MYO3B: variants seen among roughly 807,000 people sequenced by gnomAD.
MYO3B encodes myosin-IIIb.
In MYO3B, 156 loss-of-function variants were observed where a neutral mutation model predicts 174.6. That is an observed-to-expected ratio of 0.89 (90% CI 0.78 to 1.02). The LOEUF is 1.02. Among genes scored for constraint, MYO3B ranks in the 50% least tolerant of loss-of-function variants. MYO3B has a pLI of 0.00. For missense variants in MYO3B, 1,632 were observed against 1,639.4 expected (o/e 1.00, Z 0.08); for synonymous variants, 563 against 569.1 (o/e 0.99, Z 0.15).
At chr2:170,514,218 C>T (rs1318335628) in intron 28 of MYO3B, among the ~76,000 whole-genome samples, 1 of 152,172 alleles carries the variant, frequency 6.6e-6, no homozygotes. Context: ...CATCTTCAGC[C>T]GCTCGTGACC....
At chr2:170,226,120 T>G (rs1181129963) in intron 6 of MYO3B, among the ~76,000 whole-genome samples, 1 of 152,188 alleles carries the variant, frequency 6.6e-6, no homozygotes, top group Admixed American at 6.5e-5. Context: ...TGAACTAATG[T>G]TGATGCCGTG....
At position 170,313,409 on chromosome 2, in the gene MYO3B, G is replaced by A. The variant is rs150273838; in HGVS notation, c.750-21976G>A. ...ATAAATAAATAAAGGTTAGGGGTTG[G>A]GGTTAACCTTAGAAAAATGATTCCA... On this transcript the variant is annotated intron_variant, in intron 7 of 34. Coordinates refer to ENST00000408978, the MANE Select transcript of MYO3B (RefSeq NM_138995.5). 2.4e-3 allele frequency among the ~76,000 whole-genome samples: 371 copies of A among 152,274 alleles called. 6 individuals are homozygous for A. In the East Asian group the frequency reaches 0.036, roughly 15 times the overall value.
At chr2:170,593,279 T>C (rs1693934552) in intron 32 of MYO3B, among the ~76,000 whole-genome samples, 1 of 152,148 alleles carries the variant, frequency 6.6e-6, no homozygotes, top group African/African-American at 2.4e-5. Context: ...TTTAAATTAT[T>C]TTTTGTAGGG....
chr2:170,295,607 T>G (rs2093624413), intron 7 of MYO3B, among the ~76,000 whole-genome samples: 1 of 152,160 alleles, frequency 6.6e-6, no homozygotes, highest in Non-Finnish European at 1.5e-5. Flanking sequence ...AATTAGTCAT[T>G]ACTATTATCA....
intron 30 of MYO3B, among the ~76,000 whole-genome samples, chr2:170,522,236 C>T (rs1222480022): frequency 1.3e-5 from 2 of 152,148 alleles, no homozygotes; most frequent in Non-Finnish European, 2.9e-5. Context: ...CTCCACACTC[C>T]TACACCCAAC....
At position 170,300,761 on chromosome 2, in the gene MYO3B, C is replaced by A. The variant is rs191963547; in HGVS notation, c.750-34624C>A. On this transcript the variant is annotated intron_variant, in intron 7 of 34. Transcript: ENST00000408978. ...CTTCAAGTGCTCATGAAACAGACAT[C>A]AGAGTATTTTTCTACTTTTTGAAAC... 6.8e-4 allele frequency among the ~76,000 whole-genome samples: 104 copies of A among 152,294 alleles called. 1 individual carries two copies. Among genetic ancestry groups the A allele is most frequent in the African/African-American group, 2.0e-3 (85 of 41,552 alleles).
At chr2:170,325,397 G>T (rs1023980827) in intron 7 of MYO3B, among the ~76,000 whole-genome samples, 1 of 151,978 alleles carries the variant, frequency 6.6e-6, no homozygotes, top group Non-Finnish European at 1.5e-5. Flanking sequence ...TAGTAGAGAC[G>T]GGGTTTCACC....
intron 32 of MYO3B, among the ~76,000 whole-genome samples, chr2:170,549,224 A>AC (rs1265931050): frequency 6.6e-6 from 1 of 152,074 alleles, no homozygotes; most frequent in Non-Finnish European, 1.5e-5. Flanking sequence ...TTTATACCTC[A>AC]CCTAAGAGGT....
chr2:170,370,007 C>T lies in MYO3B; in HGVS notation c.971+630C>T, dbSNP rs2094228656. Among the ~76,000 whole-genome samples, 6 of 150,750 alleles carry T rather than the reference C, an allele frequency of 4.0e-5. No homozygotes were observed. The South Asian group carries it at 1.3e-3, about 33-fold the overall frequency. ...TTTTTTTAGAAGGTAGATTTTTATA[C>T]AAATGTTTATTTTCAGGGGCAAGTG... On this transcript the variant is annotated intron_variant, in intron 9 of 34. Coordinates refer to ENST00000408978, the MANE Select transcript of MYO3B (RefSeq NM_138995.5).
At chr2:170,370,286 T>C (rs992437662) in intron 9 of MYO3B, among the ~76,000 whole-genome samples, 1 of 152,206 alleles carries the variant, frequency 6.6e-6, no homozygotes, top group African/African-American at 2.4e-5. Context: ...ATTCATGTAT[T>C]CTGCAGAAAA....
At chr2:170,364,986 G>A (rs986729696) in intron 8 of MYO3B, among the ~76,000 whole-genome samples, 1 of 152,148 alleles carries the variant, frequency 6.6e-6, no homozygotes, top group Non-Finnish European at 1.5e-5. Flanking sequence ...TGCATTGCCG[G>A]TCTGGCTCCC....
intron 6 of MYO3B, 150 bp downstream of exon 6, chr2:170,217,545 C>T (rs538919825): frequency 7.6e-5 from 54 of 707,256 alleles, no homozygotes; most frequent in South Asian, 5.1e-4. Context: ...GTTTGGTCAG[C>T]GATGCTGGTG....
chr2:170,625,619 C>T (rs989645618), intron 32 of MYO3B, among the ~76,000 whole-genome samples: 43 of 152,164 alleles, frequency 2.8e-4, no homozygotes, highest in Non-Finnish European at 5.0e-4. Flanking sequence ...TTGCTCTTGC[C>T]TCGCTAGTTC....
At chr2:170,489,792 A>G (rs954912000) in intron 25 of MYO3B, among the ~76,000 whole-genome samples, 14 of 149,248 alleles carry the variant, frequency 9.4e-5, no homozygotes, top group African/African-American at 3.1e-4. Context: ...AACTAATTTT[A>G]TGAGGTCCAC....
chr2:170,524,320 C>T (rs1386963607), intron 30 of MYO3B, among the ~76,000 whole-genome samples: 1 of 152,158 alleles, frequency 6.6e-6, no homozygotes, highest in Non-Finnish European at 1.5e-5. Context: ...TCAGATCTAC[C>T]TACACCTGCC....
intron 32 of MYO3B, among the ~76,000 whole-genome samples, chr2:170,594,440 T>C (rs979551377): frequency 3.3e-5 from 5 of 152,228 alleles, no homozygotes; most frequent in African/African-American, 1.2e-4. Flanking sequence ...GTCCCTGGAA[T>C]ACCTGAAGCC....
At chr2:170,396,788 T>C (rs900176477) in intron 16 of MYO3B, among the ~76,000 whole-genome samples, 1 of 152,192 alleles carries the variant, frequency 6.6e-6, no homozygotes, top group Admixed American at 6.5e-5. Flanking sequence ...AGTCTTATTT[T>C]GGGAGGTTTC....
chr2:170,318,544 G>C (rs1454465085), intron 7 of MYO3B, among the ~76,000 whole-genome samples: 2 of 152,154 alleles, frequency 1.3e-5, no homozygotes, highest in Non-Finnish European at 2.9e-5. Context: ...TGGTTATTGG[G>C]CTGTACCCCA....
intron 32 of MYO3B, among the ~76,000 whole-genome samples, chr2:170,600,821 A>C (rs552123765): frequency 6.6e-6 from 1 of 152,330 alleles, no homozygotes; most frequent in South Asian, 2.1e-4. Flanking sequence ...TAAAGGATAA[A>C]GCATACTTTT....
Sources: allele counts gnomAD v4.1 joint callset (sites outside exome capture counted in the v4.1 genomes callset), GRCh38; gene constraint gnomAD v4.1.1; transcripts MANE v1.5; gene names NCBI Gene and HGNC (gene_info 2026-07-23, HGNC 2026-07-21).